Variants in ATP13A4 observed in about 807,000 individuals in gnomAD.
The protein encoded by ATP13A4 is ATPase 13A4.
In ATP13A4, 114 loss-of-function variants were observed where a neutral mutation model predicts 142.5. That is an observed-to-expected ratio of 0.80 (90% CI 0.69 to 0.93). The LOEUF is 0.93. ATP13A4 is among the 40% of genes least tolerant of loss of function. The probability of loss-of-function intolerance (pLI) is 0.00; values close to 1 mark genes in which losing one functional copy is unlikely to be tolerated. For synonymous variants in ATP13A4, 488 were observed against 514.8 expected (o/e 0.95, Z 0.70); for missense variants, 1,392 against 1,454.0 (o/e 0.96, Z 0.69).
At chr3:193,446,609 T>C (rs1437501265) in intron 18 of ATP13A4, among the ~76,000 whole-genome samples, 1 of 152,234 alleles carries the variant, frequency 6.6e-6, no homozygotes, top group Non-Finnish European at 1.5e-5. Flanking sequence ...AATATGATAC[T>C]TTTCATAATC....
At chr3:193,481,527 T>C (rs1305124684) in intron 8 of ATP13A4, among the ~76,000 whole-genome samples, 1 of 152,088 alleles carries the variant, frequency 6.6e-6, no homozygotes, top group African/African-American at 2.4e-5. Flanking sequence ...TGTAGAGCAT[T>C]TTTGTGTTTT....
intron 2 of ATP13A4, among the ~76,000 whole-genome samples, chr3:193,567,092 A>G (rs900348682): frequency 7.2e-5 from 11 of 152,162 alleles, no homozygotes; most frequent in Non-Finnish European, 1.3e-4. Flanking sequence ...CATTGTTCAA[A>G]TTGAATTATG....
chr3:193,527,315 A>C (rs1254639583), intron 1 of ATP13A4, among the ~76,000 whole-genome samples: 2 of 152,032 alleles, frequency 1.3e-5, no homozygotes, highest in Non-Finnish European at 2.9e-5. Flanking sequence ...TGATGGTTTA[A>C]AAGTGTGGCA....
chr3:193,576,630 C>A (rs1403415233), intron 2 of ATP13A4, among the ~76,000 whole-genome samples: 1 of 152,084 alleles, frequency 6.6e-6, no homozygotes, highest in Admixed American at 6.5e-5. Flanking sequence ...CTCTGGGTTA[C>A]GGCATCAAAT....
At chr3:193,490,839 A>G (rs1719903979) in intron 6 of ATP13A4, among the ~76,000 whole-genome samples, 1 of 152,186 alleles carries the variant, frequency 6.6e-6, no homozygotes, top group Admixed American at 6.5e-5. Flanking sequence ...TTTGATAATA[A>G]TCGCTGTAAA....
intron 14 of ATP13A4, 147 bp downstream of exon 14, chr3:193,458,934 C>A (rs1450602711): frequency 9.5e-7 from 1 of 1,055,932 alleles, no homozygotes; most frequent in South Asian, 1.3e-5. Context: ...GATGAGGAAA[C>A]CAGCCTTAGA....
At chr3:193,557,537 G>A (rs1560282347), upstream of ATP13A4, among the ~76,000 whole-genome samples, 3 of 152,184 alleles carry the variant, frequency 2.0e-5, no homozygotes, top group South Asian at 6.2e-4. Context: ...AAGCCTCTGT[G>A]GTTGATACTA....
At chr3:193,501,124 T>C (rs776224430) in intron 3 of ATP13A4, among the ~76,000 whole-genome samples, 2 of 152,204 alleles carry the variant, frequency 1.3e-5, no homozygotes, top group African/African-American at 4.8e-5. Flanking sequence ...ATCTGTCCAC[T>C]TATTTATTTG....
rs564891268 is a variant in ATP13A4 at position 193,591,223 on chromosome 3, C to A, written n.91+1798G>T. The stretch of plus-strand genomic sequence containing the variant: ...CTAATTTTTTTATTTTTAGTAGAGA[C>A]AGGGTTTCACCATATTGGCCAGGCT... On this transcript the variant is annotated intron_variant and non_coding_transcript_variant, in intron 1 of 3. Coordinates refer to the ATP13A4 transcript ENST00000489140. Among the ~76,000 whole-genome samples, 193 of 152,272 alleles carry A rather than the reference C, an allele frequency of 1.3e-3. 1 individual carries two copies. Among genetic ancestry groups the A allele is most frequent in the African/African-American group, 4.5e-3 (189 of 41,568 alleles).
chr3:193,560,095 G>A (rs891461978), intron 2 of ATP13A4, among the ~76,000 whole-genome samples: 4 of 151,974 alleles, frequency 2.6e-5, no homozygotes, highest in Admixed American at 6.6e-5. Flanking sequence ...TTGTTTCTTC[G>A]GTGAGAAAAA....
chr3:193,448,820 G>C (rs1346502925), intron 17 of ATP13A4, among the ~76,000 whole-genome samples: 1 of 152,234 alleles, frequency 6.6e-6, no homozygotes, highest in African/African-American at 2.4e-5. Flanking sequence ...GGAAGAGGAA[G>C]AGAGTGTTCA....
At chr3:193,426,547 C>T (rs765043335) in intron 25 of ATP13A4, among the ~76,000 whole-genome samples, 3 of 151,734 alleles carry the variant, frequency 2.0e-5, no homozygotes, top group Non-Finnish European at 4.4e-5. Context: ...GTCCCTAAAT[C>T]GTTTCTAAAA....
At chr3:193,507,708 C>T (rs1047895706) in intron 2 of ATP13A4, among the ~76,000 whole-genome samples, 1 of 152,044 alleles carries the variant, frequency 6.6e-6, no homozygotes, top group African/African-American at 2.4e-5. Context: ...AGTGGATTAG[C>T]GGGTCATCGT....
chr3:193,476,769 T>C (rs1017179291), intron 8 of ATP13A4, among the ~76,000 whole-genome samples: 5 of 151,882 alleles, frequency 3.3e-5, no homozygotes, highest in Non-Finnish European at 7.4e-5. Flanking sequence ...TAGGGAGGCC[T>C]GAGGAAAGAG....
At chr3:193,480,115 A>C (rs376214251) in intron 8 of ATP13A4, among the ~76,000 whole-genome samples, 90 of 152,318 alleles carry the variant, frequency 5.9e-4, no homozygotes, top group African/African-American at 2.1e-3. Flanking sequence ...AATCAACTCA[A>C]GATGGATCAA....
intron 2 of ATP13A4, among the ~76,000 whole-genome samples, chr3:193,570,327 A>G (rs1243189285): frequency 6.6e-6 from 1 of 152,168 alleles, no homozygotes; most frequent in African/African-American, 2.4e-5. Flanking sequence ...TCTCAAAAAA[A>G]TATGTTTGCT....
intron 1 of ATP13A4, among the ~76,000 whole-genome samples, chr3:193,519,842 A>G (rs932550006): frequency 1.3e-5 from 2 of 151,326 alleles, no homozygotes; most frequent in African/African-American, 4.9e-5. Flanking sequence ...ACGAGGTTTC[A>G]CCATGTTGGC....
chr3:193,448,277 C>A lies in ATP13A4; in HGVS notation c.2081G>T (p.Arg694Leu), dbSNP rs144335118. 6.2e-7 allele frequency: 1 copy of A among 1,614,130 alleles called. No homozygotes were observed. Among genetic ancestry groups the A allele is most frequent in the Non-Finnish European group, 8.5e-7 (1 of 1,180,000 alleles). ...IFLGLLILENRLKEETKPVLE... is the reference protein window; with the variant it reads ...IFLGLLILENLLKEETKPVLE... ...GACAGGTTTTGTCTCTTCCTTCAAT[C>A]GATTCTCCAAGATCAGCAGCCCCAG... is the stretch of plus-strand genomic sequence containing the variant. Residue 694 changes from arginine to leucine, a missense_variant, in exon 18 of 30, where the codon CGA (arginine) becomes CTA (leucine). Physicochemically the swap from Arg to Leu is moderately radical, Grantham distance 102 (BLOSUM62 -2). Coordinates refer to ENST00000342695, the MANE Select transcript of ATP13A4 (RefSeq NM_032279.4).
At chr3:193,590,152 T>C (rs995013793) in intron 1 of ATP13A4, among the ~76,000 whole-genome samples, 2 of 152,182 alleles carry the variant, frequency 1.3e-5, no homozygotes, top group Admixed American at 1.3e-4. Flanking sequence ...GACCAGCCTA[T>C]GCAGGAGAAC....
Sources: allele counts gnomAD v4.1 joint callset (sites outside exome capture counted in the v4.1 genomes callset), GRCh38; gene constraint gnomAD v4.1.1; transcripts MANE v1.5; gene names NCBI Gene and HGNC (gene_info 2026-07-23, HGNC 2026-07-21).